Variants in CCDC57 observed in about 807,000 individuals in gnomAD.
CCDC57 encodes coiled-coil domain-containing protein 57.
In CCDC57, 118 loss-of-function variants were observed where a neutral mutation model predicts 118.9. That is an observed-to-expected ratio of 0.99 (90% CI 0.86 to 1.16). The LOEUF (loss-of-function observed/expected upper bound fraction) is 1.16, where lower values mean the gene tolerates loss of function less well. Ranked by LOEUF, CCDC57 falls within the 50% of genes most tolerant of loss-of-function variation. CCDC57 has a pLI of 0.00. For synonymous variants in CCDC57, 527 were observed against 532.9 expected, an observed-to-expected ratio of 0.99 and a Z score of 0.15; for missense variants, 1,300 against 1,320.7, an observed-to-expected ratio of 0.98 and a Z score of 0.24.
intron 19 of CCDC57, among the ~76,000 whole-genome samples, chr17:82,108,539 CAG>C (rs1235411804): frequency 6.6e-6 from 1 of 152,158 alleles, no homozygotes; most frequent in East Asian, 1.9e-4. Flanking sequence ...GGGAAATACA[CAG>C]GGTAGTGCAT....
In CCDC57 at chr17:82,130,499, C is replaced by CTTTTT. The variant is rs35413191; in HGVS notation, c.2578-1907_2578-1903dup. On this transcript the variant is annotated intron_variant, in intron 17 of 19. Coordinates refer to ENST00000665763, the Ensembl canonical transcript of CCDC57. Reference sequence around the variant, plus strand: ...CGTGAGCCACCACACCCAGACAAAACTTTTTTTTTTTTTTTTTTTTTGAGA... The same window carrying CTTTTT: ...CGTGAGCCACCACACCCAGACAAAACTTTTTTTTTTTTTTTTTTTTTTTTTTGAGA... 1.9e-3 allele frequency among the ~76,000 whole-genome samples: 170 copies of CTTTTT among 88,934 alleles called. 4 individuals carry two copies. The highest frequency in any genetic ancestry group is 7.4e-3 in the African/African-American group (164 of 22,022). The allele number at this position is 88,934 out of a possible 152,430, so 58.3% of individuals were successfully genotyped here.
At chr17:82,208,262 T>C (rs916060215) in intron 1 of CCDC57, among the ~76,000 whole-genome samples, 1 of 150,476 alleles carries the variant, frequency 6.6e-6, no homozygotes, top group African/African-American at 2.5e-5. Flanking sequence ...TACCCTTAAC[T>C]TATTATTATT....
rs2050237429 is a variant in CCDC57 at position 82,212,425 on chromosome 17, A to C, written c.-211+360T>G. On this transcript the variant is annotated intron_variant, in intron 1 of 19. Coordinates refer to ENST00000665763, the Ensembl canonical transcript of CCDC57. This position sits in a 1 kb window ranked among gnomAD's most constrained non-coding sequence, Gnocchi z 4.1. ...TTTTTTTTTTTTTTTTTAAACTCAC[A>C]GACACTGTAAGGCTGCCTGGGCGCG... Among the ~76,000 whole-genome samples, 1 of 133,058 alleles carries C rather than the reference A, an allele frequency of 7.5e-6. No individual in the cohort carries two copies. The highest frequency in any genetic ancestry group is 1.6e-5 in the Non-Finnish European group (1 of 64,362). 87.3% of individuals were successfully genotyped at this position (133,058 alleles called of 152,430 possible). A position where few individuals can be genotyped will look rare whatever the true frequency, so the allele number is the denominator to read the frequency against.
At chr17:82,142,725 A>G (rs1429380452) in intron 16 of CCDC57, among the ~76,000 whole-genome samples, 1 of 145,676 alleles carries the variant, frequency 6.9e-6, no homozygotes, top group Non-Finnish European at 1.5e-5. Context: ...GAGGAGCATA[A>G]ATAAATTTAT....
chr17:82,194,674 T>A (rs1252560053), intron 5 of CCDC57, among the ~76,000 whole-genome samples: 1 of 152,136 alleles, frequency 6.6e-6, no homozygotes, highest in African/African-American at 2.4e-5. Flanking sequence ...GCCCCATACA[T>A]GTCCAAGCCC....
rs2044895357 is a variant in CCDC57 at position 82,172,655 on chromosome 17, C to G, written c.1712G>C (p.Gly571Ala). The G allele has an allele frequency of 1.9e-6, 3 of 1,550,894 alleles. No individual in the cohort carries two copies. The African/African-American group carries it at 4.1e-5, about 21-fold the overall frequency. ...TTACTCACCAGGAGTGGCGGCATCT[C>G]CCCCAGCCTCTGGGTCAGGCTGGTT... is the stretch of plus-strand genomic sequence containing the variant. The change falls in exon 12 of 20, where the codon GGA (glycine) becomes GCA (alanine). Residue 571 changes from glycine to alanine, a missense_variant. By Grantham distance (60) the Gly-to-Ala change is moderately conservative. Coordinates refer to ENST00000665763, the Ensembl canonical transcript of CCDC57. This position sits in a 1 kb window ranked among gnomAD's most constrained non-coding sequence, Gnocchi z 5.2.
intron 16 of CCDC57, among the ~76,000 whole-genome samples, chr17:82,138,322 G>C (rs1193961052): frequency 6.6e-6 from 1 of 151,334 alleles, no homozygotes; most frequent in Non-Finnish European, 1.5e-5. Flanking sequence ...CTAATTTTTT[G>C]TATTTTTAGT....
chr17:82,115,875 G>GT (rs1261397990), intron 19 of CCDC57, among the ~76,000 whole-genome samples: 1 of 124,668 alleles, frequency 8.0e-6, no homozygotes, highest in Non-Finnish European at 1.6e-5. Context: ...TTGACTCACT[G>GT]TAACCTCCAC....
chr17:82,115,753 G>C (rs551780982), intron 19 of CCDC57, among the ~76,000 whole-genome samples: 24 of 150,318 alleles, frequency 1.6e-4, no homozygotes, highest in Non-Finnish European at 2.8e-4. Flanking sequence ...GGGCGACAGA[G>C]GGAGACTCTG....
intron 14 of CCDC57, 89 bp downstream of exon 13, chr17:82,163,111 G>A: frequency 6.6e-7 from 1 of 1,512,966 alleles, no homozygotes; most frequent in Non-Finnish European, 9.0e-7. Flanking sequence ...GGTCACCTGG[G>A]GTCGCACCGG....
At chr17:82,140,842 GCCTGGCAGGC>G (rs1266721685) in intron 16 of CCDC57, among the ~76,000 whole-genome samples, 1 of 152,168 alleles carries the variant, frequency 6.6e-6, no homozygotes, top group African/African-American at 2.4e-5. Context: ...GGAGGGCATT[GCCTGGCAGGC>G]CCAGGAACCT....
At position 82,129,893 on chromosome 17, in the gene CCDC57, A is replaced by AAAAT. The variant is rs1166165924; in HGVS notation, c.2578-1300_2578-1297dup. The stretch of plus-strand genomic sequence containing the variant: ...GCAACAGAGCGAAACTCTGTCTCAA[A>AAAAT]AAATAAATAAATAAAAAATTAGGCT... On this transcript the variant is annotated intron_variant, in intron 17 of 19. Transcript: ENST00000665763. Among the ~76,000 whole-genome samples the AAAAT allele has an allele frequency of 2.0e-5, 3 of 151,698 alleles. No homozygotes were observed. The East Asian group carries it at 5.8e-4, about 30-fold the overall frequency.
intron 19 of CCDC57, among the ~76,000 whole-genome samples, chr17:82,120,196 G>A (rs142765901): frequency 6.8e-6 from 1 of 146,824 alleles, no homozygotes; most frequent in Non-Finnish European, 1.5e-5. Context: ...CAGAGATGTT[G>A]CCCAGGCTGG....
chr17:82,205,785 C>T (rs1021138192), intron 2 of CCDC57, among the ~76,000 whole-genome samples: 1 of 152,220 alleles, frequency 6.6e-6, no homozygotes, highest in Non-Finnish European at 1.5e-5. Context: ...CGGTGCAGCA[C>T]CCGGTGAGAG....
chr17:82,210,553 G>A (rs868088826), intron 1 of CCDC57, among the ~76,000 whole-genome samples: 1 of 150,504 alleles, frequency 6.6e-6, no homozygotes, highest in South Asian at 2.1e-4. Flanking sequence ...GGTGGCAGGC[G>A]CTGGTAATCC....
intron 19 of CCDC57, chr17:82,113,772 A>AAAAATAAAAT: frequency 1.5e-6 from 1 of 662,228 alleles, no homozygotes; most frequent in Non-Finnish European, 2.7e-6. Flanking sequence ...ATTTCTACAA[A>AAAAATAAAAT]AAAATAAAAT....
chr17:82,177,017 G>A (rs2045605276), intron 11 of CCDC57, among the ~76,000 whole-genome samples: 2 of 151,664 alleles, frequency 1.3e-5, no homozygotes, highest in African/African-American at 4.9e-5. Flanking sequence ...AGGCCGAGGT[G>A]GGCAGATCAC....
chr17:82,113,890 G>A, intron 19 of CCDC57: 2 of 556,210 alleles, frequency 3.6e-6, no homozygotes, highest in Non-Finnish European at 6.5e-6. Context: ...AGGCCACAGT[G>A]AACCAAGATT....
intron 13 of CCDC57, among the ~76,000 whole-genome samples, chr17:82,167,504 C>A (rs886104223): frequency 6.6e-6 from 1 of 152,154 alleles, no homozygotes; most frequent in African/African-American, 2.4e-5. Flanking sequence ...GTGTCCACCA[C>A]CATGCCCAGC....
Sources: gnomAD v4.1 joint callset for allele counts (sites outside exome capture counted in the v4.1 genomes callset) on GRCh38, gnomAD v4.1.1 for gene constraint, Gnocchi (gnomAD v3.1) non-coding constraint, MANE v1.5 for transcripts, NCBI Gene and HGNC (gene_info 2026-07-23, HGNC 2026-07-21) for gene names.